The following NFIB variants were observed in gnomAD, a reference collection of about 807,000 sequenced individuals.
NFIB encodes the protein nuclear factor I B.
Under a neutral mutation model 61.5 loss-of-function variants are expected in NFIB, and 11 were observed. The observed-to-expected ratio is 0.18, with a 90% confidence interval of 0.11 to 0.30. The LOEUF (loss-of-function observed/expected upper bound fraction) is 0.30, where lower values mean the gene tolerates loss of function less well. Among genes scored for constraint, NFIB ranks in the 10% least tolerant of loss-of-function variants. The pLI, the probability that NFIB is intolerant of heterozygous loss-of-function variation, is 1.00. For missense variants in NFIB, 471 were observed against 608.9 expected, an observed-to-expected ratio of 0.77 and a Z score of 2.38; for synonymous variants, 260 against 216.5, an observed-to-expected ratio of 1.20 and a Z score of -1.76.
intron 6 of NFIB, among the ~76,000 whole-genome samples, chr9:14,131,304 T>C (rs774704690): frequency 8.5e-5 from 13 of 152,208 alleles, no homozygotes; most frequent in Non-Finnish European, 1.6e-4. Flanking sequence ...AGCATCCCTT[T>C]AAATAAGTAT....
intron 2 of NFIB, among the ~76,000 whole-genome samples, chr9:14,282,607 AT>A (rs2058445775): frequency 6.6e-6 from 1 of 152,150 alleles, no homozygotes; most frequent in South Asian, 2.1e-4. Flanking sequence ...CTATTTGCGT[AT>A]TTCTTCAAAG....
chr9:14,517,018 G>C, the NFIB span, among the ~76,000 whole-genome samples: 4 of 152,170 alleles, frequency 2.6e-5, no homozygotes, highest in Non-Finnish European at 2.9e-5. Context: ...ACAACTGTTG[G>C]CATTAGGGAT....
chr9:14,218,265 T>G (rs1266655202), intron 2 of NFIB, among the ~76,000 whole-genome samples: 1 of 152,208 alleles, frequency 6.6e-6, no homozygotes, highest in Non-Finnish European at 1.5e-5. Context: ...AATGATTTTT[T>G]TTAAGTTTAA....
chr9:14,204,337 C>A lies in NFIB; in HGVS notation c.563-24557G>T, dbSNP rs570819841. On this transcript the variant is annotated intron_variant, in intron 2 of 10. Transcript: ENST00000380953. ...AGGAGGCCAAGAAAGTGGTCAACCC[C>A]CTGTTTGAGAAAAGGCCTAAGAATT... 4 of 765,538 alleles carry A rather than the reference C, an allele frequency of 5.2e-6. No homozygotes were observed. The African/African-American group carries it at 6.9e-5, about 13-fold the overall frequency. 47.4% of individuals were successfully genotyped at this position (765,538 alleles called of 1,614,324 possible). A position where few individuals can be genotyped will look rare whatever the true frequency, so the allele number is the denominator to read the frequency against.
chr9:14,290,985 C>A (rs1481617547), intron 2 of NFIB, among the ~76,000 whole-genome samples: 1 of 152,158 alleles, frequency 6.6e-6, no homozygotes, highest in East Asian at 1.9e-4. Flanking sequence ...ACAATTGTGC[C>A]TGAAAAACAT....
At chr9:14,233,340 T>C (rs1445851300) in intron 2 of NFIB, among the ~76,000 whole-genome samples, 1 of 151,916 alleles carries the variant, frequency 6.6e-6, no homozygotes, top group Non-Finnish European at 1.5e-5. Context: ...CTAAAAATTT[T>C]CAGGAAAAAC....
chr9:14,214,132 C>T (rs2050603358), intron 2 of NFIB, among the ~76,000 whole-genome samples: 1 of 152,206 alleles, frequency 6.6e-6, no homozygotes, highest in Non-Finnish European at 1.5e-5. Flanking sequence ...ATTCCCCTTC[C>T]TGAAGAAGCG....
intron 2 of NFIB, among the ~76,000 whole-genome samples, chr9:14,219,073 G>A (rs1211162492): frequency 6.6e-6 from 1 of 152,042 alleles, no homozygotes; most frequent in Non-Finnish European, 1.5e-5. Flanking sequence ...GGCTAATGAA[G>A]CTCATGTAGA....
At chr9:14,144,836 G>C (rs1161595749) in intron 6 of NFIB, among the ~76,000 whole-genome samples, 5 of 152,116 alleles carry the variant, frequency 3.3e-5, no homozygotes, top group African/African-American at 1.2e-4. Context: ...GCATTCCAGA[G>C]GTCATAACTT....
intron 2 of NFIB, among the ~76,000 whole-genome samples, chr9:14,246,949 G>A (rs773343053): frequency 6.6e-6 from 1 of 152,204 alleles, no homozygotes; most frequent in Admixed American, 6.5e-5. Context: ...ACAAAGAAGA[G>A]ATGCCAATGT....
chr9:14,318,504 C>CCT, upstream of NFIB, among the ~76,000 whole-genome samples: 1 of 121,860 alleles, frequency 8.2e-6, no homozygotes, highest in Non-Finnish European at 1.7e-5. Flanking sequence ...ACACTCGATG[C>CCT]CTTTTTTTTT....
At chr9:14,116,483 G>T in intron 8 of NFIB, 137 bp from the exon 9 acceptor site, 1 of 862,132 alleles carries the variant, frequency 1.2e-6, no homozygotes, top group Non-Finnish European at 1.6e-6. Context: ...TCGAGTCGGA[G>T]TCGGAGAGGC....
intron 2 of NFIB, among the ~76,000 whole-genome samples, chr9:14,243,729 C>G (rs1242355285): frequency 3.3e-5 from 5 of 152,070 alleles, no homozygotes; most frequent in African/African-American, 9.7e-5. Flanking sequence ...AAATCCCAAC[C>G]TCGTCTCAGA....
At chr9:14,480,235 T>G in the NFIB span, among the ~76,000 whole-genome samples, 1 of 152,108 alleles carries the variant, frequency 6.6e-6, no homozygotes, top group Admixed American at 6.5e-5. Context: ...TTTCAGTACC[T>G]TGACCAGGTC....
In NFIB at chr9:14,244,286, G is replaced by A. The variant is rs192604429; in HGVS notation, c.562+62703C>T. Among the ~76,000 whole-genome samples, 376 of 152,268 alleles carry A rather than the reference G, an allele frequency of 2.5e-3. 1 individual carries two copies. The highest frequency in any genetic ancestry group is 8.5e-3 in the African/African-American group (353 of 41,550). ...ACAACATAAGCATAAGAAATTTGTA[G>A]AGGAAATGATAGGTCAGAATGGTTT... On this transcript the variant is annotated intron_variant, in intron 2 of 10. Coordinates refer to ENST00000380953, the MANE Select transcript of NFIB (RefSeq NM_001190737.2).
At chr9:14,112,652 T>C (rs553054204) in intron 10 of NFIB, among the ~76,000 whole-genome samples, 1 of 152,322 alleles carries the variant, frequency 6.6e-6, no homozygotes, top group South Asian at 2.1e-4. Context: ...TCTATTCTAG[T>C]TGGCTTTAAA....
chr9:14,219,405 G>T (rs200365259), intron 2 of NFIB, among the ~76,000 whole-genome samples: 6 of 28,474 alleles, frequency 2.1e-4, no homozygotes, highest in East Asian at 1.1e-3. Context: ...AAAAAAAAAA[G>T]TCTAAGTTGA....
Position 14,313,634 on chromosome 9 carries a change from G to C in NFIB, c.-123C>G. On this transcript the variant is annotated 5_prime_UTR_variant, in exon 1 of 11. Coordinates refer to ENST00000380953, the MANE Select transcript of NFIB (RefSeq NM_001190737.2). This position sits in a 1 kb window ranked among gnomAD's most constrained non-coding sequence, Gnocchi z 4.5. Reference sequence around the variant, plus strand: ...ATGCGATCAATCAGGACGGGGCTCTGCGCTGGATCACCGCAACTTCACAAC... The same window carrying C: ...ATGCGATCAATCAGGACGGGGCTCTCCGCTGGATCACCGCAACTTCACAAC... 5.8e-6 allele frequency: 9 copies of C among 1,565,148 alleles called. No homozygotes were observed. The highest frequency in any genetic ancestry group is 7.8e-6 in the Non-Finnish European group (9 of 1,156,582).
chr9:14,384,868 T>C (rs748950616), intron 1 of NFIB, among the ~76,000 whole-genome samples: 1 of 152,198 alleles, frequency 6.6e-6, no homozygotes, highest in Admixed American at 6.5e-5. Context: ...GATTGTTTGA[T>C]TGATTTTCAC....
Sources: gnomAD v4.1 joint callset for allele counts (sites outside exome capture counted in the v4.1 genomes callset) on GRCh38, gnomAD v4.1.1 for gene constraint, Gnocchi (gnomAD v3.1) non-coding constraint, MANE v1.5 for transcripts, NCBI Gene and HGNC (gene_info 2026-07-23, HGNC 2026-07-21) for gene names.